FAM20B: variants seen among roughly 807,000 people sequenced by gnomAD.
The protein encoded by FAM20B is glycosaminoglycan xylosylkinase.
A neutral mutation model predicts 43.8 loss-of-function variants in FAM20B; 23 were observed. The ratio of observed to expected loss-of-function variants is 0.53; its 90% confidence interval spans 0.38 to 0.74. The LOEUF is 0.74. Ranked by LOEUF, FAM20B falls within the 30% of genes least tolerant of loss-of-function variation. FAM20B has a pLI of 0.00. For synonymous variants in FAM20B, 178 were observed against 192.4 expected, an observed-to-expected ratio of 0.93 and a Z score of 0.62; for missense variants, 440 against 510.5, an observed-to-expected ratio of 0.86 and a Z score of 1.33.
intron 1 of FAM20B, among the ~76,000 whole-genome samples, chr1:179,039,515 A>G (rs903586798): frequency 6.6e-6 from 1 of 152,164 alleles, no homozygotes; most frequent in East Asian, 1.9e-4. Flanking sequence ...TGGTATGGGC[A>G]TATTTTTTTC....
chr1:179,042,250 G>A lies in FAM20B; in HGVS notation c.-133-1465G>A, dbSNP rs564885018. ...AGGTGCAGAGCAGCAAGGGGTGTGT[G>A]GACAAGCTAGCATGGGGTCTGGCCA... On this transcript the variant is annotated intron_variant, in intron 1 of 7. Transcript: ENST00000263733. 3.3e-5 allele frequency among the ~76,000 whole-genome samples: 5 copies of A among 152,364 alleles called. No homozygotes were observed. The East Asian group carries it at 9.6e-4, about 29-fold the overall frequency.
At chr1:179,035,585 G>T (rs930806448) in intron 1 of FAM20B, 2 of 579,270 alleles carry the variant, frequency 3.5e-6, no homozygotes, top group Non-Finnish European at 6.4e-6. Context: ...CACAGTTCAT[G>T]CAGCGAATGG....
At chr1:179,050,088 A>G (rs1267566018) in intron 2 of FAM20B, among the ~76,000 whole-genome samples, 191 bp from the exon 3 acceptor site, 1 of 152,226 alleles carries the variant, frequency 6.6e-6, no homozygotes, top group East Asian at 1.9e-4. Context: ...AGAGAATTCT[A>G]GTTTCCTTCT....
At chr1:179,058,040 GT>G (rs1473705922) in intron 4 of FAM20B, among the ~76,000 whole-genome samples, 2 of 152,030 alleles carry the variant, frequency 1.3e-5, no homozygotes, top group African/African-American at 4.8e-5. Flanking sequence ...AAAAATAAAG[GT>G]TTTAAATACA....
At chr1:179,039,986 C>G (rs946695163) in intron 1 of FAM20B, among the ~76,000 whole-genome samples, 1 of 152,162 alleles carries the variant, frequency 6.6e-6, no homozygotes, top group Non-Finnish European at 1.5e-5. Flanking sequence ...CATCTTGCAC[C>G]GCCCTTAATC....
intron 2 of FAM20B, 126 bp from the exon 3 acceptor site, chr1:179,050,153 C>T: frequency 4.9e-6 from 3 of 617,194 alleles, no homozygotes; most frequent in Non-Finnish European, 8.9e-6. Context: ...CAGTTGTTTG[C>T]AGGGTTGACA....
intron 1 of FAM20B, among the ~76,000 whole-genome samples, chr1:179,041,717 ACGGGAGACGGGC>A (rs1339464341): frequency 6.8e-6 from 1 of 146,192 alleles, no homozygotes; most frequent in Non-Finnish European, 1.5e-5. Flanking sequence ...GAGACAGGAG[ACGGGAGACGGGC>A]CGGGAGAGGG....
At chr1:179,060,121 C>T (rs923718139) in intron 4 of FAM20B, among the ~76,000 whole-genome samples, 8 of 151,708 alleles carry the variant, frequency 5.3e-5, no homozygotes, top group Admixed American at 5.2e-4. Context: ...TTATCTCTAC[C>T]ATTTTATACA....
chr1:179,059,372 C>G (rs1442434930), intron 4 of FAM20B, among the ~76,000 whole-genome samples: 1 of 152,194 alleles, frequency 6.6e-6, no homozygotes, highest in African/African-American at 2.4e-5. Flanking sequence ...CTCATTCACT[C>G]TTCACAACTC....
intron 1 of FAM20B, among the ~76,000 whole-genome samples, chr1:179,041,668 C>CGG (rs1304377757): frequency 2.5e-5 from 2 of 80,288 alleles, no homozygotes; most frequent in African/African-American, 8.6e-5. Flanking sequence ...AGATGGGAGA[C>CGG]AGGGAGGGAG....
chr1:179,063,897 A>T (rs1388589087), intron 4 of FAM20B, 30 bp from the exon 5 acceptor site: 1 of 1,536,300 alleles, frequency 6.5e-7, no homozygotes, highest in African/African-American at 1.4e-5. Context: ...TTATTTCCTT[A>T]AGTGTATTTG....
At position 179,043,997 on chromosome 1, in the gene FAM20B, G is replaced by T; in HGVS notation, c.150G>T (p.Val50=). Residue 50 remains valine (V), a synonymous_variant, in exon 2 of 8, where the codon GTG becomes GTT. Transcript: ENST00000263733. The part of the protein sequence containing the change: ...AFHRMMTGLR[V]ELAPKLDHTL... ...ACCGAATGATGACTGGCTTGCGGGT[G>T]GAGCTGGCACCCAAGCTGGACCATA... is the stretch of plus-strand genomic sequence containing the variant. 1 of 1,614,178 alleles carries T rather than the reference G, an allele frequency of 6.2e-7. No individual in the cohort carries two copies. Among genetic ancestry groups the T allele is most frequent in the Non-Finnish European group, 8.5e-7 (1 of 1,180,002 alleles).
chr1:179,034,410 T>C (rs1650134215), intron 1 of FAM20B, among the ~76,000 whole-genome samples: 1 of 151,982 alleles, frequency 6.6e-6, no homozygotes, highest in African/African-American at 2.4e-5. Context: ...CTCTTTTTTT[T>C]TAATAATGGA....
intron 2 of FAM20B, among the ~76,000 whole-genome samples, chr1:179,048,308 A>G (rs1284368214): frequency 6.6e-6 from 1 of 152,196 alleles, no homozygotes; most frequent in African/African-American, 2.4e-5. Context: ...CTGATTTTCC[A>G]TATTTCACAT....
chr1:179,067,399 G>A (rs1651734765), intron 7 of FAM20B, among the ~76,000 whole-genome samples: 1 of 152,206 alleles, frequency 6.6e-6, no homozygotes, highest in Admixed American at 6.5e-5. Flanking sequence ...GAGGTCAGGA[G>A]TTCGAGACCA....
chr1:179,070,686 A>C (rs972489847), intron 7 of FAM20B, among the ~76,000 whole-genome samples: 1 of 151,474 alleles, frequency 6.6e-6, no homozygotes, highest in Non-Finnish European at 1.5e-5. Context: ...CACCACGCCC[A>C]GCTAATTTTT....
intron 4 of FAM20B, among the ~76,000 whole-genome samples, chr1:179,062,158 C>T (rs1177492980): frequency 6.6e-6 from 1 of 152,084 alleles, no homozygotes; most frequent in Non-Finnish European, 1.5e-5. Flanking sequence ...AGGTGCACAC[C>T]ACTACTCCTT....
In FAM20B at chr1:179,044,110, T is replaced by G; in HGVS notation, c.263T>G (p.Met88Arg). The stretch of plus-strand genomic sequence containing the variant: ...GAGACACCAGAGCTGGGGGCAGTCA[T>G]GCATGCCATGGCCACCAAGAAAATC... ...PEETPELGAV[M>R]HAMATKKIIK... is the part of the protein sequence containing the mutation. The change falls in exon 2 of 8, where the codon ATG (methionine) becomes AGG (arginine). Residue 88 changes from methionine (M) to arginine (R), a missense_variant. Met to Arg is a moderately conservative substitution (Grantham distance 91). Transcript: ENST00000263733. The G allele has an allele frequency of 6.2e-7, 1 of 1,614,094 alleles. No homozygotes were observed. The highest frequency in any genetic ancestry group is 1.1e-5 in the South Asian group (1 of 91,074).
intron 1 of FAM20B, among the ~76,000 whole-genome samples, chr1:179,030,300 T>C (rs976061403): frequency 2.6e-5 from 4 of 151,914 alleles, no homozygotes; most frequent in African/African-American, 9.7e-5. Flanking sequence ...TGTAGTTTTC[T>C]GTAAAAAAAA....
Sources: gnomAD v4.1 joint callset for allele counts (sites outside exome capture counted in the v4.1 genomes callset) on GRCh38, gnomAD v4.1.1 for gene constraint, MANE v1.5 for transcripts, NCBI Gene and HGNC (gene_info 2026-07-23, HGNC 2026-07-21) for gene names.